The following CDYL2 variants were observed in gnomAD, a reference collection of about 807,000 sequenced individuals.
The protein encoded by CDYL2 is chromodomain Y-like protein 2.
A neutral mutation model predicts 49.4 loss-of-function variants in CDYL2; 23 were observed. That is an observed-to-expected ratio of 0.47 (90% confidence interval 0.34 to 0.66). The LOEUF is 0.66. Among genes scored for constraint, CDYL2 ranks in the 30% least tolerant of loss-of-function variants. CDYL2 has a pLI of 0.01. For synonymous variants in CDYL2, 360 were observed against 268.8 expected, an observed-to-expected ratio of 1.34 and a Z score of -3.32; for missense variants, 678 against 656.4, an observed-to-expected ratio of 1.03 and a Z score of -0.36.
At position 80,603,058 on chromosome 16, in the gene CDYL2, G is replaced by C. The variant is rs967651511; in HGVS notation, c.*1330C>G. ...CAGGGGCAAGGAGATCTCATTCCTG[G>C]TCATTGCTCCCTATGTACATAAAAA... On this transcript the variant is annotated 3_prime_UTR_variant, in exon 7 of 7. Transcript: ENST00000570137. 1.3e-5 allele frequency: 2 copies of C among 152,086 alleles called. No individual in the cohort carries two copies. Among genetic ancestry groups the C allele is most frequent in the Non-Finnish European group, 2.9e-5 (2 of 68,042 alleles). The allele number at this position is 152,086 out of a possible 1,614,324, so 9.4% of individuals were successfully genotyped here. A position where few individuals can be genotyped will look rare whatever the true frequency, so the allele number is the denominator to read the frequency against.
At chr16:80,621,333 C>T (rs563335957) in intron 3 of CDYL2, among the ~76,000 whole-genome samples, 9 of 152,370 alleles carry the variant, frequency 5.9e-5, no homozygotes, top group African/African-American at 1.9e-4. Context: ...TGTAAGCCAT[C>T]TCTAGATGAC....
At position 80,804,219 on chromosome 16, in the gene CDYL2, C is replaced by CCGTGTG; in HGVS notation, c.-47_-46insCACACG. On this transcript the variant is annotated 5_prime_UTR_variant, in exon 1 of 7. Coordinates refer to ENST00000570137, the MANE Select transcript of CDYL2 (RefSeq NM_152342.4). ...TCGCCGGTGTGCGCGTCTGCTCGCTCGCGCCCTCCGTGCGTGTGCGCGCGG... is the reference window on the plus strand; with the variant it reads ...TCGCCGGTGTGCGCGTCTGCTCGCTCCGTGTGGCGCCCTCCGTGCGTGTGCGCGCGG... 1 of 1,338,672 alleles carries CCGTGTG rather than the reference C, an allele frequency of 7.5e-7. No homozygotes were observed. The highest frequency in any genetic ancestry group is 9.8e-7 in the Non-Finnish European group (1 of 1,017,774). 82.9% of individuals were successfully genotyped at this position (1,338,672 alleles called of 1,614,324 possible). A position where few individuals can be genotyped will look rare whatever the true frequency, so the allele number is the denominator to read the frequency against.
Position 80,636,232 on chromosome 16 carries a change from T to C in CDYL2, c.617-2996A>G, listed in dbSNP as rs370484610. 3.3e-5 allele frequency among the ~76,000 whole-genome samples: 5 copies of C among 152,094 alleles called. No individual in the cohort carries two copies. The South Asian group carries it at 1.0e-3, about 32-fold the overall frequency. On this transcript the variant is annotated intron_variant, in intron 2 of 6. Coordinates refer to ENST00000570137, the MANE Select transcript of CDYL2 (RefSeq NM_152342.4). The stretch of plus-strand genomic sequence containing the variant: ...TGGGATCTAATTAAACTAAAGAGCT[T>C]CTGTACAGCAAAAGAAACTATCACG...
Position 80,601,125 on chromosome 16 carries a change from T to TTAAGTA in CDYL2, c.*3262_*3263insTACTTA, listed in dbSNP as rs1906063546. ...TGCCGGAAGGGGCACATTAAGTACA[T>TTAAGTA]CAGCATTAGGCTGTGTCTTCCAAAT... On this transcript the variant is annotated 3_prime_UTR_variant, in exon 7 of 7. Coordinates refer to ENST00000570137, the MANE Select transcript of CDYL2 (RefSeq NM_152342.4). 2 of 152,192 alleles carry TTAAGTA rather than the reference T, an allele frequency of 1.3e-5. No individual in the cohort carries two copies. The highest frequency in any genetic ancestry group is 6.5e-5 in the Admixed American group (1 of 15,278). The allele number at this position is 152,192 out of a possible 1,614,324, so 9.4% of individuals were successfully genotyped here.
intron 2 of CDYL2, among the ~76,000 whole-genome samples, chr16:80,634,773 A>G (rs1907741144): frequency 6.6e-6 from 1 of 152,214 alleles, no homozygotes. Context: ...AAGGAGAAAT[A>G]CATCATCTCA....
At chr16:80,656,850 A>C (rs931392172) in intron 2 of CDYL2, among the ~76,000 whole-genome samples, 6 of 152,182 alleles carry the variant, frequency 3.9e-5, no homozygotes, top group African/African-American at 1.4e-4. Context: ...AAAGGCAACA[A>C]GGACTAAGTC....
At chr16:80,717,004 T>TGATGGATA (rs1555532422) in intron 1 of CDYL2, among the ~76,000 whole-genome samples, 9 of 147,344 alleles carry the variant, frequency 6.1e-5, no homozygotes, top group African/African-American at 2.0e-4. Flanking sequence ...ATGATTCAAT[T>TGATGGATA]GATGGATGGA....
intron 5 of CDYL2, among the ~76,000 whole-genome samples, chr16:80,611,904 T>C (rs1567539342): frequency 6.6e-6 from 1 of 152,238 alleles, no homozygotes; most frequent in Non-Finnish European, 1.5e-5. Context: ...CCGCCTCTGT[T>C]GGACAGTGGC....
At chr16:80,684,039 G>A (rs1282410560) in intron 2 of CDYL2, among the ~76,000 whole-genome samples, 2 of 152,192 alleles carry the variant, frequency 1.3e-5, no homozygotes, top group Non-Finnish European at 2.9e-5. Context: ...GCACTGGCGT[G>A]GTGAACTCCA....
chr16:80,707,977 G>C (rs1057026165), intron 1 of CDYL2, among the ~76,000 whole-genome samples: 4 of 152,112 alleles, frequency 2.6e-5, no homozygotes, highest in Non-Finnish European at 5.9e-5. Context: ...TATCCAGAAA[G>C]AAAGGCAGGA....
intron 1 of CDYL2, among the ~76,000 whole-genome samples, chr16:80,794,598 A>ATTTTTTTTT (rs966789395): frequency 1.5e-5 from 1 of 66,830 alleles, no homozygotes; most frequent in African/African-American, 6.0e-5. Flanking sequence ...ATTCCCAGTG[A>ATTTTTTTTT]TTTTTTTTTT....
At chr16:80,786,065 T>C (rs971455945) in intron 1 of CDYL2, among the ~76,000 whole-genome samples, 2 of 152,322 alleles carry the variant, frequency 1.3e-5, no homozygotes, top group African/African-American at 4.8e-5. Flanking sequence ...AAAGACTTCA[T>C]GTCTAAAACA....
rs1006878073 is a variant in CDYL2 at position 80,598,891 on chromosome 16, A to G, written c.*5497T>C. 14 of 152,166 alleles carry G rather than the reference A, an allele frequency of 9.2e-5. No individual in the cohort carries two copies. Among genetic ancestry groups the G allele is most frequent in the African/African-American group, 3.4e-4 (14 of 41,426 alleles). 9.4% of individuals were successfully genotyped at this position (152,166 alleles called of 1,614,324 possible). A position where few individuals can be genotyped will look rare whatever the true frequency, so the allele number is the denominator to read the frequency against. On this transcript the variant is annotated 3_prime_UTR_variant, in exon 7 of 7. Transcript: ENST00000570137. The stretch of plus-strand genomic sequence containing the variant: ...CAATCTATGAAACTCAGGCTTTGTT[A>G]GAATAATGGAATTCTTTGGTTCTCG...
intron 3 of CDYL2, among the ~76,000 whole-genome samples, chr16:80,622,678 T>C (rs1295441118): frequency 2.6e-5 from 4 of 152,078 alleles, no homozygotes; most frequent in Non-Finnish European, 5.9e-5. Context: ...TCAGAGGAAA[T>C]TAGGCAGGCT....
Position 80,620,828 on chromosome 16 carries a change from G to C in CDYL2, c.942C>G (p.Ser314=). 5 of 1,613,246 alleles carry C rather than the reference G, an allele frequency of 3.1e-6. No homozygotes were observed. The highest frequency in any genetic ancestry group is 1.7e-5 in the Admixed American group (1 of 59,972). Residue 314 remains serine (S), a synonymous_variant, in exon 4 of 7, where the codon TCC becomes TCG. Transcript: ENST00000570137. ...CGCTGGACAACCGGCCAATTAGGTA[G>C]GAATAATCCAGGCCGCTGCAGAACA... ...GSVFCSGLDY[S]YLIGRLSSDR...
chr16:80,755,540 GA>G (rs995581144), intron 1 of CDYL2, among the ~76,000 whole-genome samples: 2 of 152,168 alleles, frequency 1.3e-5, no homozygotes, highest in African/African-American at 4.8e-5. Flanking sequence ...CAAAAGCCTA[GA>G]AAACATCCTT....
rs372089214 is a variant in CDYL2 at position 80,767,825 on chromosome 16, C to T, written c.24+36325G>A. Among the ~76,000 whole-genome samples the T allele has an allele frequency of 4.5e-4, 69 of 152,242 alleles. No homozygotes were observed. The Middle Eastern group carries it at 0.01, about 23-fold the overall frequency. On this transcript the variant is annotated intron_variant, in intron 1 of 6. Coordinates refer to ENST00000570137, the MANE Select transcript of CDYL2 (RefSeq NM_152342.4). ...CAATCTCTAGCTTTTCTAAAAAGTA[C>T]GAAAAGGAGCTGGGGTTGAGTTGTC...
In CDYL2 at chr16:80,737,075, C is replaced by T. The variant is rs115993592; in HGVS notation, c.25-51946G>A. On this transcript the variant is annotated intron_variant, in intron 1 of 6. Coordinates refer to ENST00000570137, the MANE Select transcript of CDYL2 (RefSeq NM_152342.4). ...GGAAAGAGAATTTGCTTCATGCCCC[C>T]TTTGCAGGCAGATCAGTTTCAGGAC... 2.7e-3 allele frequency among the ~76,000 whole-genome samples: 414 copies of T among 152,240 alleles called. 3 individuals carry two copies. The highest frequency in any genetic ancestry group is 9.6e-3 in the African/African-American group (400 of 41,544).
chr16:80,715,841 T>C (rs923186280), intron 1 of CDYL2, among the ~76,000 whole-genome samples: 1 of 152,176 alleles, frequency 6.6e-6, no homozygotes, highest in Non-Finnish European at 1.5e-5. Flanking sequence ...CTCACCTCAG[T>C]GCCTGGCCCT....
Sources: allele counts gnomAD v4.1 joint callset (sites outside exome capture counted in the v4.1 genomes callset), GRCh38; gene constraint gnomAD v4.1.1; transcripts MANE v1.5; gene names NCBI Gene and HGNC (gene_info 2026-07-23, HGNC 2026-07-21).